CNTNAP4: variants seen among roughly 807,000 people sequenced by gnomAD.
CNTNAP4 encodes contactin associated protein family member 4, also known as contactin-associated protein-like 4.
A neutral mutation model predicts 148.4 loss-of-function variants in CNTNAP4; 98 were observed. That is an observed-to-expected ratio of 0.66 (90% CI 0.56 to 0.78). The LOEUF is 0.78. CNTNAP4 is among the 30% of genes least tolerant of loss of function. The pLI is 0.00. For missense variants in CNTNAP4, 1,935 were observed against 1,565.6 expected (o/e 1.24, Z -3.98); for synonymous variants, 730 against 565.1 (o/e 1.29, Z -4.14).
intron 1 of CNTNAP4, among the ~76,000 whole-genome samples, chr16:76,284,770 T>TAAAAAA (rs1958817144): frequency 6.6e-6 from 1 of 152,034 alleles, no homozygotes; most frequent in Non-Finnish European, 1.5e-5. Context: ...CCTGTATGTG[T>TAAAAAA]ATGCATGCAT....
chr16:76,309,267 T>C (rs1396684100), intron 1 of CNTNAP4, among the ~76,000 whole-genome samples: 2 of 151,882 alleles, frequency 1.3e-5, no homozygotes, highest in Non-Finnish European at 2.9e-5. Context: ...CTCCAGGGTA[T>C]GGAGATAAAT....
chr16:76,522,696 CTTTTCTTTTCTTTTCTT>C (rs1568497280), intron 17 of CNTNAP4, among the ~76,000 whole-genome samples: 407 of 26,178 alleles, frequency 0.016, 39 homozygotes, highest in African/African-American at 0.039. Context: ...CCTTTCTTTT[CTTTTCTTTTCTTTTCTT>C]TTCTTTTCTT....
intron 1 of CNTNAP4, among the ~76,000 whole-genome samples, chr16:76,300,034 G>A (rs1171172725): frequency 2.6e-5 from 4 of 151,874 alleles, no homozygotes; most frequent in African/African-American, 9.7e-5. Context: ...TAGGAGATAT[G>A]CCTAATGTTA....
At chr16:76,323,364 A>G (rs1962630179) in intron 2 of CNTNAP4, among the ~76,000 whole-genome samples, 1 of 152,122 alleles carries the variant, frequency 6.6e-6, no homozygotes, top group African/African-American at 2.4e-5. Flanking sequence ...CTAAAACATT[A>G]ACATTTTGAT....
chr16:76,393,477 T>C (rs2078095976), intron 3 of CNTNAP4, among the ~76,000 whole-genome samples: 1 of 152,180 alleles, frequency 6.6e-6, no homozygotes, highest in Admixed American at 6.5e-5. Context: ...TGGGCATTTA[T>C]GATGTGTTGC....
chr16:76,486,623 A>G (rs1009771232), intron 12 of CNTNAP4, among the ~76,000 whole-genome samples: 5 of 152,210 alleles, frequency 3.3e-5, no homozygotes, highest in Non-Finnish European at 7.3e-5. Flanking sequence ...TTAGAGATAG[A>G]GAATTGCTCT....
intron 4 of CNTNAP4, among the ~76,000 whole-genome samples, chr16:76,447,796 T>C (rs2080304899): frequency 6.6e-6 from 1 of 152,192 alleles, no homozygotes; most frequent in Non-Finnish European, 1.5e-5. Flanking sequence ...ACTATGAGGT[T>C]TGGTGGGTTA....
chr16:76,324,545 C>T (rs1962764292), intron 2 of CNTNAP4, among the ~76,000 whole-genome samples: 1 of 152,144 alleles, frequency 6.6e-6, no homozygotes, highest in South Asian at 2.1e-4. Context: ...AAATCTCAGG[C>T]ACAGCATAAT....
In CNTNAP4 at chr16:76,489,733, G is replaced by A. The variant is rs2082143950; in HGVS notation, c.1930G>A (p.Val644Ile). ...IQHNGSDLTR[V>I]RNTNPENPYA... ...GCACAACGGCTCTGACTTAACAAGA[G>A]TCAGAAATACTAATCCAGAGAACCC... Residue 644 changes from valine (V) to isoleucine (I), a missense_variant, in exon 13 of 24, where the codon GTC (valine) becomes ATC (isoleucine). By Grantham distance (29) the Val-to-Ile change is conservative. Coordinates refer to ENST00000611870, the MANE Select transcript of CNTNAP4 (RefSeq NM_033401.5). 2 of 1,605,500 alleles carry A rather than the reference G, an allele frequency of 1.2e-6. No homozygotes were observed. The highest frequency in any genetic ancestry group is 4.5e-5 in the East Asian group (2 of 44,682).
intron 15 of CNTNAP4, among the ~76,000 whole-genome samples, chr16:76,513,355 G>A (rs898696507): frequency 6.6e-6 from 1 of 152,114 alleles, no homozygotes; most frequent in East Asian, 1.9e-4. Context: ...GCATGGGACA[G>A]TGAAGGCATG....
intron 1 of CNTNAP4, among the ~76,000 whole-genome samples, chr16:76,312,247 G>A (rs1237116372): frequency 1.3e-5 from 2 of 152,162 alleles, no homozygotes; most frequent in Admixed American, 6.5e-5. Context: ...GATGCCAGAA[G>A]TATCCTCTCT....
At chr16:76,436,232 A>G (rs1396440135) in intron 4 of CNTNAP4, among the ~76,000 whole-genome samples, 1 of 151,998 alleles carries the variant, frequency 6.6e-6, no homozygotes, top group Admixed American at 6.6e-5. Flanking sequence ...TGGGTCAGGG[A>G]GGGGATGATG....
intron 9 of CNTNAP4, among the ~76,000 whole-genome samples, chr16:76,466,469 T>C (rs2081179447): frequency 6.6e-6 from 1 of 152,198 alleles, no homozygotes; most frequent in African/African-American, 2.4e-5. Context: ...CTTCATGGTG[T>C]GATTATTTCA....
intron 2 of CNTNAP4, among the ~76,000 whole-genome samples, chr16:76,331,391 T>C (rs984195386): frequency 6.6e-6 from 1 of 151,996 alleles, no homozygotes; most frequent in Non-Finnish European, 1.5e-5. Flanking sequence ...GGTTTCACAG[T>C]GTTAGCCAGG....
intron 17 of CNTNAP4, among the ~76,000 whole-genome samples, chr16:76,522,716 CTTT>C (rs1568497750): frequency 3.4e-5 from 1 of 29,702 alleles, no homozygotes; most frequent in African/African-American, 1.7e-4. Flanking sequence ...CTTTTCTTTT[CTTT>C]TCTTTTCTTT....
chr16:76,315,754 C>G (rs897471256), intron 1 of CNTNAP4, among the ~76,000 whole-genome samples: 1 of 151,996 alleles, frequency 6.6e-6, no homozygotes, highest in African/African-American at 2.4e-5. Flanking sequence ...GCCACCACAC[C>G]CTGCTAATTT....
intron 10 of CNTNAP4, among the ~76,000 whole-genome samples, chr16:76,475,678 C>G (rs1304107155): frequency 6.6e-6 from 1 of 152,078 alleles, no homozygotes; most frequent in Non-Finnish European, 1.5e-5. Context: ...TGTTATGTCA[C>G]TGAGGGAAAA....
chr16:76,341,605 C>A (rs1056325900), intron 2 of CNTNAP4, among the ~76,000 whole-genome samples: 5 of 152,070 alleles, frequency 3.3e-5, no homozygotes, highest in Non-Finnish European at 7.4e-5. Context: ...GGTAAAACAT[C>A]CATTTTTGAA....
chr16:76,498,829 C>A, intron 15 of CNTNAP4, 135 bp downstream of exon 15: 1 of 857,380 alleles, frequency 1.2e-6, no homozygotes, highest in Non-Finnish European at 1.7e-6. Flanking sequence ...TGTTTGTTTC[C>A]ACATACATGA....
Sources: allele counts gnomAD v4.1 joint callset (sites outside exome capture counted in the v4.1 genomes callset), GRCh38; gene constraint gnomAD v4.1.1; transcripts MANE v1.5; gene names NCBI Gene and HGNC (gene_info 2026-07-23, HGNC 2026-07-21).